The following SMCHD1 variants were observed in gnomAD, a reference collection of about 807,000 sequenced individuals.
The protein encoded by SMCHD1 is structural maintenance of chromosomes flexible hinge domain-containing protein 1.
SMCHD1 carries 78 observed loss-of-function variants against 254.7 expected under a neutral mutation model. The observed-to-expected ratio is 0.31, with a 90% CI of 0.26 to 0.37. SMCHD1 has a LOEUF of 0.37. Ranked by LOEUF, SMCHD1 falls within the 10% of genes least tolerant of loss-of-function variation. The probability of loss-of-function intolerance (pLI) is 1.00; values close to 1 mark genes in which losing one functional copy is unlikely to be tolerated. For synonymous variants in SMCHD1, 766 were observed against 794.9 expected (o/e 0.96, Z 0.61); for missense variants, 1,840 against 2,408.1 (o/e 0.76, Z 4.94).
intron 24 of SMCHD1, among the ~76,000 whole-genome samples, chr18:2,732,023 AAGG>A (rs1375769044): frequency 1.3e-5 from 2 of 152,104 alleles, no homozygotes; most frequent in African/African-American, 4.8e-5. Context: ...AAAAAATAAA[AAGG>A]AGGGGAATCC....
chr18:2,729,245 G>T, intron 23 of SMCHD1, 30 bp from the exon 24 acceptor site: 1 of 1,409,314 alleles, frequency 7.1e-7, no homozygotes. Context: ...TTTAATAGGG[G>T]TCTTACATTA....
At position 2,719,635 on chromosome 18, in the gene SMCHD1, C is replaced by T. The variant is rs148427313; in HGVS notation, c.2458+1201C>T. Reference sequence around the variant, plus strand: ...GGAGATAGTGTCTTCCTCTGTTGCCCAGGCTGGAGTGCAGTGGTGTGACTG... The same window carrying T: ...GGAGATAGTGTCTTCCTCTGTTGCCTAGGCTGGAGTGCAGTGGTGTGACTG... On this transcript the variant is annotated intron_variant, in intron 19 of 47. Transcript: ENST00000320876. Among the ~76,000 whole-genome samples, 234 of 150,316 alleles carry T rather than the reference C, an allele frequency of 1.6e-3. 2 individuals carry two copies. Among genetic ancestry groups the T allele is most frequent in the African/African-American group, 5.4e-3 (221 of 40,898 alleles).
At chr18:2,771,905 C>T (rs2075990586) in intron 40 of SMCHD1, among the ~76,000 whole-genome samples, 1 of 151,996 alleles carries the variant, frequency 6.6e-6, no homozygotes, top group African/African-American at 2.4e-5. Context: ...TGATGGTAAA[C>T]AAAATAAGAG....
At chr18:2,716,225 C>A (rs1176057095) in intron 17 of SMCHD1, among the ~76,000 whole-genome samples, 1 of 152,168 alleles carries the variant, frequency 6.6e-6, no homozygotes, top group Non-Finnish European at 1.5e-5. Flanking sequence ...AGTAATGTAT[C>A]AGGCGGGTGA....
intron 45 of SMCHD1, among the ~76,000 whole-genome samples, chr18:2,788,457 GAA>G (rs1378493225): frequency 6.6e-6 from 1 of 152,032 alleles, no homozygotes; most frequent in African/African-American, 2.4e-5. Context: ...AAAGTAGAAA[GAA>G]ATATACTTTT....
At chr18:2,697,162 G>C (rs1176433970) in intron 9 of SMCHD1, 40 bp downstream of exon 9, 1 of 1,042,716 alleles carries the variant, frequency 9.6e-7, no homozygotes, top group Non-Finnish European at 1.4e-6. Context: ...AAAATTATGA[G>C]ATATTTGTTC....
intron 17 of SMCHD1, among the ~76,000 whole-genome samples, chr18:2,709,108 A>G (rs2074604183): frequency 6.7e-6 from 1 of 149,672 alleles, no homozygotes; most frequent in African/African-American, 2.4e-5. Context: ...TAGGTACCTC[A>G]TAAAAATGGA....
chr18:2,710,411 T>G (rs28869492), intron 17 of SMCHD1, among the ~76,000 whole-genome samples: 31,635 of 152,162 alleles, frequency 0.21, 3,467 homozygotes, highest in South Asian at 0.33. Context: ...TGCGTTTTTC[T>G]ATTTCTGCAG....
At chr18:2,685,682 A>G (rs756504378) in intron 5 of SMCHD1, among the ~76,000 whole-genome samples, 60 of 152,160 alleles carry the variant, frequency 3.9e-4, no homozygotes, top group Non-Finnish European at 6.9e-4. Context: ...TAATCAAGGT[A>G]CCTTATTTAA....
intron 30 of SMCHD1, among the ~76,000 whole-genome samples, chr18:2,748,341 G>GT (rs1274025114): frequency 1.0e-3 from 102 of 100,418 alleles, no homozygotes; most frequent in South Asian, 3.9e-3. Flanking sequence ...TCTTTGCAAA[G>GT]TTGTGTGTGT....
chr18:2,707,477 T>G, intron 15 of SMCHD1, 86 bp from the exon 16 acceptor site: 1 of 750,632 alleles, frequency 1.3e-6, no homozygotes, highest in Non-Finnish European at 2.1e-6. Context: ...GCAATAAATA[T>G]TTAAGTTTCT....
chr18:2,700,709 C>T (rs529366735), intron 11 of SMCHD1, 26 bp from the exon 12 acceptor site: 476 of 1,604,926 alleles, frequency 3.0e-4, no homozygotes, highest in Non-Finnish European at 3.9e-4. Context: ...AATTCTTTTA[C>T]TAACTAACAT....
In SMCHD1 at chr18:2,666,976, A is replaced by T; in HGVS notation, c.369A>T (p.Thr123=). Residue 123 remains threonine, a synonymous_variant, in exon 3 of 48, where the codon ACA becomes ACT. Coordinates refer to ENST00000320876, the MANE Select transcript of SMCHD1 (RefSeq NM_015295.3). ...ERIDFLPHYD[T]LVKSGMYEYY... Reference sequence around the variant, plus strand: ...TTGACTTCTTACCTCACTATGACACACTGGTTAAAAGTGGCATGTATGAAT... The same window carrying T: ...TTGACTTCTTACCTCACTATGACACTCTGGTTAAAAGTGGCATGTATGAAT... The T allele has an allele frequency of 6.2e-7, 1 of 1,608,042 alleles. No individual in the cohort carries two copies. The highest frequency in any genetic ancestry group is 8.5e-7 in the Non-Finnish European group (1 of 1,176,710).
intron 42 of SMCHD1, 46 bp downstream of exon 42, chr18:2,775,970 G>T: frequency 7.0e-7 from 1 of 1,431,748 alleles, no homozygotes; most frequent in Non-Finnish European, 9.3e-7. Flanking sequence ...TATATTTTCT[G>T]TTTTTTATCA....
intron 34 of SMCHD1, among the ~76,000 whole-genome samples, chr18:2,758,895 G>A (rs973409100): frequency 2.6e-5 from 4 of 151,494 alleles, no homozygotes; most frequent in South Asian, 2.1e-4. Context: ...CTTTGATTTC[G>A]TGGTCTTCAG....
intron 45 of SMCHD1, among the ~76,000 whole-genome samples, chr18:2,786,095 C>A (rs182747047): frequency 1.3e-5 from 2 of 152,114 alleles, no homozygotes; most frequent in Non-Finnish European, 2.9e-5. Flanking sequence ...CTCACTGCAA[C>A]CTCGGTCTCC....
At chr18:2,658,324 A>G (rs610840) in intron 1 of SMCHD1, among the ~76,000 whole-genome samples, 26,179 of 152,174 alleles carry the variant, frequency 0.17, 5,513 homozygotes, top group African/African-American at 0.5. Context: ...GCCTTTTATT[A>G]CAGAAGTATA....
At chr18:2,777,056 A>ACCCCCCC (rs140799401) in intron 42 of SMCHD1, among the ~76,000 whole-genome samples, 3 of 90,630 alleles carry the variant, frequency 3.3e-5, no homozygotes, top group Non-Finnish European at 5.8e-5. Flanking sequence ...GGCATGCACC[A>ACCCCCCC]CCACCTCCCC....
intron 5 of SMCHD1, among the ~76,000 whole-genome samples, chr18:2,677,366 C>T (rs1224818995): frequency 2.0e-5 from 3 of 152,094 alleles, no homozygotes; most frequent in Non-Finnish European, 2.9e-5. Context: ...TATTTTTAAT[C>T]TTGAGGTAAA....
Sources: allele counts gnomAD v4.1 joint callset (sites outside exome capture counted in the v4.1 genomes callset), GRCh38; gene constraint gnomAD v4.1.1; transcripts MANE v1.5; gene names NCBI Gene and HGNC (gene_info 2026-07-23, HGNC 2026-07-21).